BMPR1B: variants seen among roughly 807,000 people sequenced by gnomAD.
BMPR1B encodes the protein bone morphogenetic protein receptor type-1B.
BMPR1B carries 12 observed loss-of-function variants against 59.1 expected under a neutral mutation model. That is an observed-to-expected ratio of 0.20 (90% CI 0.13 to 0.33). The LOEUF (loss-of-function observed/expected upper bound fraction) is 0.33, where lower values mean the gene tolerates loss of function less well. Among genes scored for constraint, BMPR1B ranks in the 10% least tolerant of loss-of-function variants. The pLI, the probability that BMPR1B is intolerant of heterozygous loss-of-function variation, is 1.00. For missense variants in BMPR1B, 550 were observed against 610.9 expected (o/e 0.90, Z 1.05); for synonymous variants, 237 against 207.3 (o/e 1.14, Z -1.23).
At chr4:95,051,547 C>A in intron 3 of BMPR1B, 1 of 660,294 alleles carries the variant, frequency 1.5e-6, no homozygotes, top group Non-Finnish European at 2.6e-6. Context: ...CAGTTTGTAA[C>A]AGGCTTGTCT....
At chr4:94,912,180 T>G (rs1728301046) in intron 2 of BMPR1B, among the ~76,000 whole-genome samples, 1 of 152,064 alleles carries the variant, frequency 6.6e-6, no homozygotes, top group Admixed American at 6.6e-5. Flanking sequence ...ATGATTGAAT[T>G]ATCTCCCACC....
rs1313878957 is a variant in BMPR1B at position 95,032,281 on chromosome 4, G to A, written c.-18+36147G>A. ...AGAGAGAGAGAGTGAGAGAGAGCGG[G>A]CATGCACAGGTGTGAGCAAGTGTAT... On this transcript the variant is annotated intron_variant, in intron 3 of 12. Transcript: ENST00000515059. Among the ~76,000 whole-genome samples the A allele has an allele frequency of 2.0e-5, 3 of 151,972 alleles. 1 individual carries two copies. Among genetic ancestry groups the A allele is most frequent in the Admixed American group, 2.0e-4 (3 of 15,248 alleles).
At chr4:94,921,891 A>G (rs972648439) in intron 2 of BMPR1B, among the ~76,000 whole-genome samples, 1 of 152,170 alleles carries the variant, frequency 6.6e-6, no homozygotes, top group African/African-American at 2.4e-5. Context: ...CATCTTTAAA[A>G]GAAGATCCTA....
intron 3 of BMPR1B, among the ~76,000 whole-genome samples, chr4:95,067,476 G>A (rs1579021385): frequency 6.6e-6 from 1 of 152,154 alleles, no homozygotes; most frequent in African/African-American, 2.4e-5. Context: ...AGAAACCTAT[G>A]TTGAATCTAA....
intron 1 of BMPR1B, among the ~76,000 whole-genome samples, chr4:94,801,213 C>G (rs1219885324): frequency 6.6e-6 from 1 of 152,240 alleles, no homozygotes; most frequent in Non-Finnish European, 1.5e-5. Context: ...ACTCCCACTT[C>G]TCTTTCCAGT....
chr4:94,929,343 CTCTG>C (rs2149032337), intron 2 of BMPR1B, among the ~76,000 whole-genome samples: 1 of 152,108 alleles, frequency 6.6e-6, no homozygotes, highest in East Asian at 1.9e-4. Flanking sequence ...TAGAACCACT[CTCTG>C]TATGTTCTCA....
At chr4:95,143,365 A>T (rs1353877485) in intron 10 of BMPR1B, among the ~76,000 whole-genome samples, 1 of 152,054 alleles carries the variant, frequency 6.6e-6, no homozygotes, top group African/African-American at 2.4e-5. Flanking sequence ...GGCTCCCATC[A>T]CCCCCTCCTT....
At chr4:94,905,936 A>G (rs1728022889) in intron 2 of BMPR1B, among the ~76,000 whole-genome samples, 2 of 150,402 alleles carry the variant, frequency 1.3e-5, no homozygotes, top group Non-Finnish European at 3.0e-5. Flanking sequence ...TTTGTCACGA[A>G]TAGACATTTA....
At chr4:94,896,582 A>C (rs190779750) in intron 2 of BMPR1B, among the ~76,000 whole-genome samples, 26 of 152,194 alleles carry the variant, frequency 1.7e-4, no homozygotes, top group African/African-American at 5.3e-4. Flanking sequence ...ATAAATATAA[A>C]ATACCTATGA....
intron 3 of BMPR1B, among the ~76,000 whole-genome samples, chr4:95,072,487 T>G (rs1005267554): frequency 3.3e-5 from 5 of 152,186 alleles, no homozygotes; most frequent in African/African-American, 1.2e-4. Context: ...ATTTTGGTTA[T>G]TCTAATGAAG....
chr4:95,149,008 CT>C (rs1255498696), intron 11 of BMPR1B, 85 bp downstream of exon 11: 2 of 1,520,588 alleles, frequency 1.3e-6, no homozygotes, highest in Non-Finnish European at 1.8e-6. Flanking sequence ...AGTTATCATA[CT>C]GTCTATAAGA....
At chr4:94,813,166 A>G (rs544214622) in intron 1 of BMPR1B, among the ~76,000 whole-genome samples, 1 of 152,300 alleles carries the variant, frequency 6.6e-6, no homozygotes, top group African/African-American at 2.4e-5. Context: ...TGGAGTTTAT[A>G]TTTGATTAAG....
intron 2 of BMPR1B, among the ~76,000 whole-genome samples, chr4:94,942,403 T>G (rs1451753897): frequency 6.6e-6 from 1 of 152,230 alleles, no homozygotes; most frequent in East Asian, 1.9e-4. Context: ...AGAACATGTG[T>G]GACTATATTA....
rs564714265 is a variant in BMPR1B, at chr4:94,796,444, A to G, written c.-183+38376A>G. On this transcript the variant is annotated intron_variant, in intron 1 of 12. Transcript: ENST00000515059. ...CAAGATGTTTCTGAATAGCATGGAC[A>G]GTTAGTGTTAATATTGAACAAAATC... Among the ~76,000 whole-genome samples, 6 of 152,324 alleles carry G rather than the reference A, an allele frequency of 3.9e-5. No homozygotes were observed. In the South Asian group the frequency reaches 1.2e-3, roughly 32 times the overall value.
chr4:94,928,443 A>C (rs1728972766), intron 2 of BMPR1B, among the ~76,000 whole-genome samples: 1 of 152,136 alleles, frequency 6.6e-6, no homozygotes, highest in Non-Finnish European at 1.5e-5. Context: ...CAGATCAGTT[A>C]CATTTTCATC....
chr4:94,907,330 G>T (rs1007173081), intron 2 of BMPR1B, among the ~76,000 whole-genome samples: 5 of 152,050 alleles, frequency 3.3e-5, no homozygotes, highest in Non-Finnish European at 7.4e-5. Flanking sequence ...GAATGGCATT[G>T]CCTATAACAG....
At chr4:94,975,892 T>C (rs1731015607) in intron 2 of BMPR1B, among the ~76,000 whole-genome samples, 1 of 152,252 alleles carries the variant, frequency 6.6e-6, no homozygotes, top group Non-Finnish European at 1.5e-5. Flanking sequence ...TAATTGGTGC[T>C]TTTTGTTTCT....
chr4:94,837,537 T>A lies in BMPR1B; in HGVS notation c.-182-38294T>A, dbSNP rs368971758. 7.5e-4 allele frequency among the ~76,000 whole-genome samples: 107 copies of A among 143,012 alleles called. 6 individuals carry two copies. The highest frequency in any genetic ancestry group is 2.2e-3 in the African/African-American group (86 of 38,434). The allele number at this position is 143,012 out of a possible 152,430, so 93.8% of individuals were successfully genotyped here. A position where few individuals can be genotyped will look rare whatever the true frequency, so the allele number is the denominator to read the frequency against. Reference sequence around the variant, plus strand: ...TTGAAGCAATTGTGAATGGGAGTTCTCTCATGATTTGGCTCTCTGTTTGTC... The same window carrying A: ...TTGAAGCAATTGTGAATGGGAGTTCACTCATGATTTGGCTCTCTGTTTGTC... On this transcript the variant is annotated intron_variant, in intron 1 of 12. Transcript: ENST00000515059.
rs60968970 is a variant in BMPR1B, at chr4:95,123,661, A to T, written c.350-149A>T. The T allele has an allele frequency of 0.05, 32,068 of 638,026 alleles. 2,888 individuals are homozygous for T. Among genetic ancestry groups the T allele is most frequent in the African/African-American group, 0.3 (16,400 of 54,212 alleles). 39.5% of individuals were successfully genotyped at this position (638,026 alleles called of 1,614,324 possible). A position where few individuals can be genotyped will look rare whatever the true frequency, so the allele number is the denominator to read the frequency against. On this transcript the variant is annotated intron_variant, in intron 6 of 12. Transcript: ENST00000515059. The stretch of plus-strand genomic sequence containing the variant: ...CAAACTTATTTAATTTTGAGTATAT[A>T]TGGGTTTTTAAAAAATTAATTGGTA...
Sources: allele counts gnomAD v4.1 joint callset (sites outside exome capture counted in the v4.1 genomes callset), GRCh38; gene constraint gnomAD v4.1.1; transcripts MANE v1.5; gene names NCBI Gene and HGNC (gene_info 2026-07-23, HGNC 2026-07-21).